SPAG16: variants seen among roughly 807,000 people sequenced by gnomAD.
SPAG16 encodes the protein sperm-associated antigen 16 protein.
Under a neutral mutation model 80.4 loss-of-function variants are expected in SPAG16, and 86 were observed. That is an observed-to-expected ratio of 1.07 (90% CI 0.90 to 1.28). The LOEUF is 1.28. Ranked by LOEUF, SPAG16 falls within the 50% of genes most tolerant of loss-of-function variation. SPAG16 has a pLI of 0.00. For missense variants in SPAG16, 870 were observed against 765.3 expected (o/e 1.14, Z -1.61); for synonymous variants, 294 against 265.9 (o/e 1.11, Z -1.03).
At chr2:213,800,564 AGG>A (rs35768541) in intron 10 of SPAG16, among the ~76,000 whole-genome samples, 1 of 152,150 alleles carries the variant, frequency 6.6e-6, no homozygotes, top group African/African-American at 2.4e-5. Context: ...TTATATGGAC[AGG>A]GACTCACTAA....
intron 12 of SPAG16, among the ~76,000 whole-genome samples, chr2:213,961,530 T>TA (rs2106352122): frequency 6.6e-6 from 1 of 151,992 alleles, no homozygotes; most frequent in Non-Finnish European, 1.5e-5. Flanking sequence ...TTAGCTATTT[T>TA]TTTTTTGTAG....
At chr2:213,484,961 T>G (rs1161492026) in intron 9 of SPAG16, among the ~76,000 whole-genome samples, 2 of 152,244 alleles carry the variant, frequency 1.3e-5, no homozygotes, top group East Asian at 3.9e-4. Flanking sequence ...TTTATCTGAT[T>G]GCTGTTAGAG....
chr2:213,797,131 T>C (rs143856032), intron 10 of SPAG16, among the ~76,000 whole-genome samples: 6 of 152,082 alleles, frequency 3.9e-5, no homozygotes, highest in African/African-American at 1.4e-4. Context: ...GTACAATGTA[T>C]GTTTTAAGCT....
chr2:213,630,661 A>G (rs968323291), intron 10 of SPAG16, among the ~76,000 whole-genome samples: 3 of 152,204 alleles, frequency 2.0e-5, no homozygotes, highest in Non-Finnish European at 4.4e-5. Flanking sequence ...ATAGAAACAT[A>G]GATAGAAGTA....
chr2:214,357,548 T>G (rs963047012), intron 15 of SPAG16, among the ~76,000 whole-genome samples: 2 of 151,980 alleles, frequency 1.3e-5, no homozygotes, highest in African/African-American at 2.4e-5. Flanking sequence ...GTGGAAATGC[T>G]ATTTTGTTCT....
intron 10 of SPAG16, among the ~76,000 whole-genome samples, chr2:213,720,068 C>T (rs1390553891): frequency 6.6e-6 from 1 of 152,142 alleles, no homozygotes; most frequent in Non-Finnish European, 1.5e-5. Context: ...CAATCATTCT[C>T]AGTAAACTAA....
At chr2:213,976,583 T>A (rs1018362566) in intron 12 of SPAG16, among the ~76,000 whole-genome samples, 2 of 152,050 alleles carry the variant, frequency 1.3e-5, no homozygotes, top group African/African-American at 4.8e-5. Flanking sequence ...GGTATGATCA[T>A]GTGCATGGAG....
intron 3 of SPAG16, among the ~76,000 whole-genome samples, chr2:213,304,715 C>T (rs1163312689): frequency 6.6e-6 from 1 of 151,990 alleles, no homozygotes; most frequent in East Asian, 1.9e-4. Flanking sequence ...TCTGTGTGCT[C>T]TGTTCTGTTG....
chr2:213,948,821 T>C (rs1458364974), intron 12 of SPAG16, among the ~76,000 whole-genome samples: 1 of 152,228 alleles, frequency 6.6e-6, no homozygotes, highest in African/African-American at 2.4e-5. Context: ...TATTCCTGTA[T>C]ATATTTCTGT....
intron 10 of SPAG16, among the ~76,000 whole-genome samples, chr2:213,538,904 T>C (rs1257062878): frequency 6.6e-6 from 1 of 152,186 alleles, no homozygotes; most frequent in African/African-American, 2.4e-5. Flanking sequence ...TCATTGATAT[T>C]TAGGATATTT....
intron 13 of SPAG16, among the ~76,000 whole-genome samples, chr2:214,105,163 G>A (rs1411006157): frequency 1.3e-5 from 2 of 152,088 alleles, no homozygotes; most frequent in Non-Finnish European, 2.9e-5. Context: ...ATAGGGCGGG[G>A]CAGAGCCATG....
At chr2:214,080,894 A>G (rs2051352685) in intron 13 of SPAG16, among the ~76,000 whole-genome samples, 2 of 151,856 alleles carry the variant, frequency 1.3e-5, no homozygotes, top group African/African-American at 4.8e-5. Context: ...AGATATACAG[A>G]TGGAGAGTCA....
intron 10 of SPAG16, among the ~76,000 whole-genome samples, chr2:213,531,468 G>T (rs2125885280): frequency 6.6e-6 from 1 of 151,882 alleles, no homozygotes; most frequent in African/African-American, 2.4e-5. Flanking sequence ...GAGAGAGAAT[G>T]GATGGTGAAG....
At chr2:213,523,001 A>C (rs2075740257) in intron 10 of SPAG16, among the ~76,000 whole-genome samples, 1 of 152,086 alleles carries the variant, frequency 6.6e-6, no homozygotes, top group Non-Finnish European at 1.5e-5. Context: ...TGTCTTATTA[A>C]ATTTAAAACA....
chr2:213,343,051 T>C (rs2064782262), intron 6 of SPAG16, among the ~76,000 whole-genome samples: 1 of 151,970 alleles, frequency 6.6e-6, no homozygotes, highest in Non-Finnish European at 1.5e-5. Context: ...GCTTAAGAAA[T>C]ATCTGTAATG....
intron 15 of SPAG16, among the ~76,000 whole-genome samples, chr2:214,233,932 T>A (rs1688887488): frequency 6.6e-6 from 1 of 152,082 alleles, no homozygotes; most frequent in Non-Finnish European, 1.5e-5. Context: ...CATGTACAGG[T>A]TTGTTACATA....
chr2:214,341,281 A>G (rs1697672557), intron 15 of SPAG16, among the ~76,000 whole-genome samples: 1 of 152,182 alleles, frequency 6.6e-6, no homozygotes, highest in Non-Finnish European at 1.5e-5. Flanking sequence ...TCAACTCAAG[A>G]GGTTTAATAT....
intron 15 of SPAG16, among the ~76,000 whole-genome samples, chr2:214,400,578 A>G (rs1221750305): frequency 1.3e-5 from 2 of 151,952 alleles, no homozygotes; most frequent in African/African-American, 4.8e-5. Flanking sequence ...GTGGGTTGGG[A>G]AGGACCTGGA....
chr2:213,446,787 G>C (rs1408548423), intron 9 of SPAG16, among the ~76,000 whole-genome samples: 1 of 152,170 alleles, frequency 6.6e-6, no homozygotes, highest in Non-Finnish European at 1.5e-5. Flanking sequence ...AACCAGGAGA[G>C]GAAGGCACTG....
Sources: gnomAD v4.1 joint callset for allele counts (sites outside exome capture counted in the v4.1 genomes callset) on GRCh38, gnomAD v4.1.1 for gene constraint, MANE v1.5 for transcripts, NCBI Gene and HGNC (gene_info 2026-07-23, HGNC 2026-07-21) for gene names.